Variants in B3GALT1 observed in about 807,000 individuals in gnomAD.
B3GALT1 encodes beta-1,3-galactosyltransferase 1.
Under a neutral mutation model 23.2 loss-of-function variants are expected in B3GALT1, and 10 were observed. The ratio of observed to expected loss-of-function variants is 0.43; its 90% confidence interval spans 0.27 to 0.73. The LOEUF is 0.73. Ranked by LOEUF, B3GALT1 falls within the 30% of genes least tolerant of loss-of-function variation. B3GALT1 has a pLI of 0.21. For synonymous variants in B3GALT1, 156 were observed against 141.5 expected (o/e 1.10, Z -0.73); for missense variants, 299 against 405.4 (o/e 0.74, Z 2.25).
intron 3 of B3GALT1, among the ~76,000 whole-genome samples, chr2:167,664,311 A>T (rs532657600): frequency 5.9e-5 from 9 of 151,356 alleles, no homozygotes; most frequent in African/African-American, 2.2e-4. Flanking sequence ...GTTCTGTTCC[A>T]TTGATCTCTA....
chr2:167,448,759 T>G (rs1374811731), intron 1 of B3GALT1, among the ~76,000 whole-genome samples: 1 of 152,206 alleles, frequency 6.6e-6, no homozygotes, highest in Non-Finnish European at 1.5e-5. Context: ...CCTTCATTCA[T>G]TTTGAGTTGA....
chr2:167,788,296 G>A (rs188561654), intron 3 of B3GALT1, among the ~76,000 whole-genome samples: 5 of 151,914 alleles, frequency 3.3e-5, no homozygotes, highest in East Asian at 1.9e-4. Flanking sequence ...GGGTGTTTTC[G>A]AGATGATTCA....
At chr2:167,488,642 T>G (rs1436900875) in intron 1 of B3GALT1, among the ~76,000 whole-genome samples, 1 of 152,228 alleles carries the variant, frequency 6.6e-6, no homozygotes, top group Non-Finnish European at 1.5e-5. Flanking sequence ...GATTTTAAGG[T>G]CACAGTTCCA....
At chr2:167,737,275 GT>G (rs1687508322) in intron 3 of B3GALT1, among the ~76,000 whole-genome samples, 1 of 152,210 alleles carries the variant, frequency 6.6e-6, no homozygotes, top group Admixed American at 6.5e-5. Flanking sequence ...GAGGAAACTG[GT>G]TTAATGACAT....
At chr2:167,322,519 G>T (rs2105493872) in intron 1 of B3GALT1, among the ~76,000 whole-genome samples, 1 of 151,972 alleles carries the variant, frequency 6.6e-6, no homozygotes, top group Admixed American at 6.5e-5. Context: ...CTACATTTTT[G>T]CTGTAATAGA....
intron 2 of B3GALT1, among the ~76,000 whole-genome samples, chr2:167,607,908 T>C (rs966953325): frequency 6.6e-6 from 1 of 152,156 alleles, no homozygotes; most frequent in Admixed American, 6.6e-5. Context: ...ATTAATAATG[T>C]GTTAGCAGAA....
At chr2:167,571,824 A>G (rs887483406) in intron 2 of B3GALT1, among the ~76,000 whole-genome samples, 1 of 151,956 alleles carries the variant, frequency 6.6e-6, no homozygotes, top group African/African-American at 2.4e-5. Context: ...AGAGCTGAAC[A>G]TAATTGACTT....
At chr2:167,859,080 G>C (rs1371944270) in intron 4 of B3GALT1, among the ~76,000 whole-genome samples, 1 of 152,064 alleles carries the variant, frequency 6.6e-6, no homozygotes, top group Non-Finnish European at 1.5e-5. Flanking sequence ...GTTTATATTA[G>C]TAGGATGTCT....
At chr2:167,600,117 C>T (rs991945809) in intron 2 of B3GALT1, among the ~76,000 whole-genome samples, 1 of 151,796 alleles carries the variant, frequency 6.6e-6, no homozygotes, top group Non-Finnish European at 1.5e-5. Context: ...AATATAAATC[C>T]CTAAAAAGAG....
At chr2:167,451,952 T>C (rs1699099561) in intron 1 of B3GALT1, among the ~76,000 whole-genome samples, 1 of 152,128 alleles carries the variant, frequency 6.6e-6, no homozygotes, top group Non-Finnish European at 1.5e-5. Context: ...TCGTGCAGGC[T>C]GCCAGGGAAG....
intron 3 of B3GALT1, among the ~76,000 whole-genome samples, chr2:167,666,324 A>T (rs535873574): frequency 2.0e-4 from 30 of 152,274 alleles, no homozygotes; most frequent in South Asian, 8.3e-4. Context: ...ACAGTTTGTT[A>T]TAATTTCTGT....
chr2:167,455,185 T>TA lies in B3GALT1; in HGVS notation c.-510-34986dup, dbSNP rs1301683440. On this transcript the variant is annotated intron_variant, in intron 1 of 4. Coordinates refer to ENST00000392690, the MANE Select transcript of B3GALT1 (RefSeq NM_020981.4). The stretch of plus-strand genomic sequence containing the variant: ...ATGATTTTCCTAGATTGAGAACCTC[T>TA]AAAAAATATGCTCACACATTGGACT... Among the ~76,000 whole-genome samples the TA allele has an allele frequency of 2.0e-5, 3 of 152,338 alleles. No homozygotes were observed. In the East Asian group the frequency reaches 5.8e-4, roughly 29 times the overall value.
chr2:167,599,103 T>C (rs1416642389), intron 2 of B3GALT1, among the ~76,000 whole-genome samples: 1 of 152,194 alleles, frequency 6.6e-6, no homozygotes, highest in African/African-American at 2.4e-5. Context: ...CAACAGCAAG[T>C]AGAATTAGGT....
chr2:167,362,878 C>A (rs541888203), intron 1 of B3GALT1, among the ~76,000 whole-genome samples: 1 of 151,996 alleles, frequency 6.6e-6, no homozygotes, highest in Admixed American at 6.6e-5. Flanking sequence ...TTTTTTGAGA[C>A]GGAGTCTCGC....
chr2:167,428,848 G>A (rs1034977527), intron 1 of B3GALT1, among the ~76,000 whole-genome samples: 2 of 152,060 alleles, frequency 1.3e-5, no homozygotes, highest in African/African-American at 2.4e-5. Context: ...TGAGAATCAG[G>A]CTATTTTATA....
chr2:167,750,001 C>A (rs1417534109), intron 3 of B3GALT1, among the ~76,000 whole-genome samples: 1 of 152,176 alleles, frequency 6.6e-6, no homozygotes, highest in Non-Finnish European at 1.5e-5. Context: ...GAAAATTTGG[C>A]ATGAGAGTGT....
chr2:167,605,659 T>C (rs1684950567), intron 2 of B3GALT1, among the ~76,000 whole-genome samples: 2 of 152,224 alleles, frequency 1.3e-5, no homozygotes, highest in South Asian at 2.1e-4. Flanking sequence ...TGATATTCTT[T>C]TGGTCAAGGC....
intron 2 of B3GALT1, among the ~76,000 whole-genome samples, chr2:167,592,372 A>G (rs1684701379): frequency 6.6e-6 from 1 of 152,104 alleles, no homozygotes; most frequent in African/African-American, 2.4e-5. Context: ...TGAAACGGGC[A>G]TTATGGAAGA....
intron 2 of B3GALT1, among the ~76,000 whole-genome samples, chr2:167,563,108 C>G (rs937564903): frequency 2.0e-5 from 3 of 152,234 alleles, no homozygotes; most frequent in African/African-American, 7.2e-5. Context: ...CTTTCCCCCC[C>G]TTCCATTCCA....
Sources: gnomAD v4.1 joint callset for allele counts (sites outside exome capture counted in the v4.1 genomes callset) on GRCh38, gnomAD v4.1.1 for gene constraint, MANE v1.5 for transcripts, NCBI Gene and HGNC (gene_info 2026-07-23, HGNC 2026-07-21) for gene names.